The following ZNF664 variants were observed in gnomAD, a reference collection of about 807,000 sequenced individuals.
The protein encoded by ZNF664 is zinc finger Organ of Corti 1.
Under a neutral mutation model 18.2 loss-of-function variants are expected in ZNF664, and 10 were observed. That is an observed-to-expected ratio of 0.55 (90% CI 0.34 to 0.93). The LOEUF (loss-of-function observed/expected upper bound fraction) is 0.93, where lower values mean the gene tolerates loss of function less well. Among genes scored for constraint, ZNF664 ranks in the 40% least tolerant of loss-of-function variants. The pLI, the probability that ZNF664 is intolerant of heterozygous loss-of-function variation, is 0.02. For missense variants in ZNF664, 193 were observed against 319.0 expected (o/e 0.61, Z 3.01); for synonymous variants, 119 against 104.2 (o/e 1.14, Z -0.86).
At position 124,013,240 on chromosome 12, in the gene ZNF664, C is replaced by T. The variant is rs1371430777; in HGVS notation, c.*310C>T. 2.6e-6 allele frequency: 1 copy of T among 378,802 alleles called. No individual in the cohort carries two copies. The highest frequency in any genetic ancestry group is 4.4e-5 in the Admixed American group (1 of 22,616). The allele number at this position is 378,802 out of a possible 1,614,324, so 23.5% of individuals were successfully genotyped here. A position where few individuals can be genotyped will look rare whatever the true frequency, so the allele number is the denominator to read the frequency against. On this transcript the variant is annotated 3_prime_UTR_variant, in exon 5 of 5. Transcript: ENST00000337815. ...ACAAAAAGCCACAATCATTGCCCGG[C>T]CTCCTGAGTCACCTTCTATCTATAC...
rs1187001570 is a variant in ZNF664, at chr12:124,005,650, CT to C, written c.-660-5728del. 4.6e-5 allele frequency among the ~76,000 whole-genome samples: 7 copies of C among 152,300 alleles called. No individual in the cohort carries two copies. The South Asian group carries it at 1.2e-3, about 27-fold the overall frequency. On this transcript the variant is annotated intron_variant, in intron 3 of 4. Transcript: ENST00000337815. Reference sequence around the variant, plus strand: ...GTGGGAATACATTTTAAAGTTCCCTCTTTGCTGTTCCCTTCTCTTGGGAATG... The same window carrying C: ...GTGGGAATACATTTTAAAGTTCCCTCTTGCTGTTCCCTTCTCTTGGGAATG...
chr12:123,992,674 T>TG (rs1172285079), intron 3 of ZNF664, among the ~76,000 whole-genome samples: 4 of 152,140 alleles, frequency 2.6e-5, no homozygotes, highest in South Asian at 2.1e-4. Context: ...TGACAGCCAA[T>TG]GGGGCAGAGA....
Position 123,985,167 on chromosome 12 carries a change from G to A in ZNF664, c.-756-2876G>A, listed in dbSNP as rs74351397. Among the ~76,000 whole-genome samples, 150 of 152,124 alleles carry A rather than the reference G, an allele frequency of 9.9e-4. 1 individual carries two copies. Among genetic ancestry groups the A allele is most frequent in the African/African-American group, 3.5e-3 (147 of 41,486 alleles). ...GAAGAGTGAATTGGTCTTAGTCGGG[G>A]GATGGCTCCAGAGAACACATGTCAC... On this transcript the variant is annotated intron_variant, in intron 2 of 4. Coordinates refer to ENST00000337815, the MANE Select transcript of ZNF664 (RefSeq NM_152437.3).
At chr12:124,010,822 T>C (rs1340987880) in intron 3 of ZNF664, among the ~76,000 whole-genome samples, 1 of 151,574 alleles carries the variant, frequency 6.6e-6, no homozygotes, top group Non-Finnish European at 1.5e-5. Context: ...CCTCTTTAGG[T>C]AGGGGAGGGG....
intron 2 of ZNF664, among the ~76,000 whole-genome samples, chr12:123,979,160 A>G (rs1316082106): frequency 6.6e-6 from 1 of 152,254 alleles, no homozygotes; most frequent in Non-Finnish European, 1.5e-5. Context: ...CTATAATCAC[A>G]GTTGATAATT....
rs11831234 is a variant in ZNF664 at position 123,984,062 on chromosome 12, G to C, written c.-756-3981G>C. ...GTGCCCTCTGGAGGCCTTGTGAACA[G>C]TTGAAATGTGGACTCCTAGCAAAGC... On this transcript the variant is annotated intron_variant, in intron 2 of 4. Coordinates refer to ENST00000337815, the MANE Select transcript of ZNF664 (RefSeq NM_152437.3). Among the ~76,000 whole-genome samples the C allele has an allele frequency of 5.6e-3, 850 of 152,344 alleles. 12 individuals are homozygous for C. The highest frequency in any genetic ancestry group is 0.02 in the African/African-American group (811 of 41,574).
At position 124,012,419 on chromosome 12, in the gene ZNF664, G is replaced by A. The variant is rs749132171; in HGVS notation, c.275G>A (p.Cys92Tyr). The change falls in exon 5 of 5, where the codon TGT becomes TAT. Residue 92 changes from cysteine to tyrosine, a missense_variant. By Grantham distance (194) the Cys-to-Tyr change is radical. Coordinates refer to ENST00000337815, the MANE Select transcript of ZNF664 (RefSeq NM_152437.3). ...GAGAAGCCCTATAAATGTTACGAGT[G>A]TGGCAAAGCCTTCAATTGGAGCTCC... ...TVEKPYKCYE[C>Y]GKAFNWSSHL... is the part of the protein sequence containing the mutation. 6.2e-7 allele frequency: 1 copy of A among 1,614,232 alleles called. No homozygotes were observed. Among genetic ancestry groups the A allele is most frequent in the Non-Finnish European group, 8.5e-7 (1 of 1,180,056 alleles).
intron 3 of ZNF664, among the ~76,000 whole-genome samples, chr12:124,000,613 A>G (rs1053273828): frequency 2.0e-5 from 3 of 152,196 alleles, no homozygotes; most frequent in African/African-American, 7.2e-5. Context: ...CAGTGCCCAG[A>G]TAAAGACAGC....
intron 2 of ZNF664, among the ~76,000 whole-genome samples, chr12:123,980,992 C>G (rs182827171): frequency 5.3e-5 from 8 of 151,978 alleles, no homozygotes; most frequent in Admixed American, 4.6e-4. Flanking sequence ...ATGATTGGGA[C>G]CCATTGAAAA....
At chr12:124,004,362 G>A (rs1437308740) in intron 3 of ZNF664, among the ~76,000 whole-genome samples, 1 of 152,156 alleles carries the variant, frequency 6.6e-6, no homozygotes, top group Non-Finnish European at 1.5e-5. Context: ...GCAAAGAAAA[G>A]GTTCCATAGG....
chr12:123,986,195 G>A (rs1956822770), intron 2 of ZNF664, among the ~76,000 whole-genome samples: 1 of 152,090 alleles, frequency 6.6e-6, no homozygotes, highest in South Asian at 2.1e-4. Context: ...TCATCTTAAG[G>A]GGGAGTTGAA....
intron 2 of ZNF664, among the ~76,000 whole-genome samples, chr12:123,974,926 A>G (rs771306740): frequency 6.6e-6 from 1 of 152,294 alleles, no homozygotes; most frequent in Non-Finnish European, 1.5e-5. Context: ...AATTTCGGTG[A>G]TAGGAGCACA....
At chr12:124,005,518 T>TGTGTGTGTGTGTGA (rs1957062600) in intron 3 of ZNF664, among the ~76,000 whole-genome samples, 1 of 149,300 alleles carries the variant, frequency 6.7e-6, no homozygotes, top group Non-Finnish European at 1.5e-5. Context: ...TGTGTGTGTG[T>TGTGTGTGTGTGTGA]GTGTGTGAGA....
rs1243345221 is a variant in ZNF664, at chr12:124,012,301, C to A, written c.157C>A (p.His53Asn). The A allele has an allele frequency of 1.9e-6, 3 of 1,614,140 alleles. No homozygotes were observed. Among genetic ancestry groups the A allele is most frequent in the Non-Finnish European group, 2.5e-6 (3 of 1,180,030 alleles). Residue 53 changes from histidine (H) to asparagine (N), a missense_variant, in exon 5 of 5, where the codon CAT becomes AAT. His to Asn is a moderately conservative substitution (Grantham distance 68, BLOSUM62 1). This residue lies in a region of ZNF664 where 90 missense variants were observed against 118.9 expected (regional missense o/e 0.76). Coordinates refer to ENST00000337815, the MANE Select transcript of ZNF664 (RefSeq NM_152437.3). ...ISELHIHWRD[H>N]TGEKVYKCDD... Reference sequence around the variant, plus strand: ...AGAACTTCATATTCATTGGAGAGACCATACAGGAGAGAAGGTCTATAAATG... The same window carrying A: ...AGAACTTCATATTCATTGGAGAGACAATACAGGAGAGAAGGTCTATAAATG...
intron 3 of ZNF664, among the ~76,000 whole-genome samples, chr12:123,993,625 G>A (rs921066162): frequency 1.3e-5 from 2 of 152,152 alleles, no homozygotes; most frequent in Admixed American, 6.5e-5. Context: ...ATGGAGAGTG[G>A]TGGCCTTGAA....
chr12:123,996,983 A>C (rs1009342560), intron 3 of ZNF664, among the ~76,000 whole-genome samples: 1 of 152,212 alleles, frequency 6.6e-6, no homozygotes, highest in African/African-American at 2.4e-5. Context: ...AGAGGTGAAG[A>C]CTGTAGATAC....
chr12:123,980,239 T>C (rs1254276953), intron 2 of ZNF664, among the ~76,000 whole-genome samples: 1 of 152,208 alleles, frequency 6.6e-6, no homozygotes, highest in Non-Finnish European at 1.5e-5. Flanking sequence ...TCATATCACA[T>C]GTGTTTGCAT....
At chr12:123,977,706 A>T (rs1024554859) in intron 2 of ZNF664, among the ~76,000 whole-genome samples, 1 of 152,186 alleles carries the variant, frequency 6.6e-6, no homozygotes, top group African/African-American at 2.4e-5. Context: ...CTTATGAGTA[A>T]TGAGGTGAGA....
chr12:123,994,925 A>C (rs926019383), intron 3 of ZNF664, among the ~76,000 whole-genome samples: 2 of 152,210 alleles, frequency 1.3e-5, no homozygotes, highest in Non-Finnish European at 2.9e-5. Flanking sequence ...GAGAAGGAGG[A>C]TCTAGATCAG....
Sources: allele counts gnomAD v4.1 joint callset (sites outside exome capture counted in the v4.1 genomes callset), GRCh38; gene constraint gnomAD v4.1.1; regional missense constraint gnomAD v4.1.1; transcripts MANE v1.5; gene names NCBI Gene and HGNC (gene_info 2026-07-23, HGNC 2026-07-21).